The following ADGRL2 variants were observed in gnomAD, a reference collection of about 807,000 sequenced individuals.
ADGRL2 encodes the protein calcium-independent alpha-latrotoxin receptor 2.
Under a neutral mutation model 157.4 loss-of-function variants are expected in ADGRL2, and 44 were observed. That is an observed-to-expected ratio of 0.28 (90% CI 0.22 to 0.36). ADGRL2 has a LOEUF of 0.36. ADGRL2 is among the 10% of genes least tolerant of loss of function. The pLI, the probability that ADGRL2 is intolerant of heterozygous loss-of-function variation, is 1.00. For missense variants in ADGRL2, 1,510 were observed against 1,768.9 expected, an observed-to-expected ratio of 0.85 and a Z score of 2.63; for synonymous variants, 585 against 624.7, an observed-to-expected ratio of 0.94 and a Z score of 0.95.
intron 1 of ADGRL2, among the ~76,000 whole-genome samples, chr1:81,833,559 AT>A (rs1349550568): frequency 6.6e-6 from 1 of 152,134 alleles, no homozygotes; most frequent in Non-Finnish European, 1.5e-5. Context: ...TAAACATTTT[AT>A]TTTTTCTACA....
chr1:81,931,060 A>C (rs767882024), intron 3 of ADGRL2, among the ~76,000 whole-genome samples: 6 of 152,154 alleles, frequency 3.9e-5, no homozygotes, highest in African/African-American at 7.2e-5. Flanking sequence ...GAGGCAGGAG[A>C]ATTGCTTGAC....
At chr1:81,779,008 C>T (rs1384106091) in intron 2 of ADGRL2, among the ~76,000 whole-genome samples, 1 of 152,164 alleles carries the variant, frequency 6.6e-6, no homozygotes, top group Non-Finnish European at 1.5e-5. Context: ...TATTTATCCT[C>T]AGTAAATGCT....
intron 2 of ADGRL2, among the ~76,000 whole-genome samples, chr1:81,860,369 G>A (rs902995307): frequency 1.3e-5 from 2 of 151,914 alleles, no homozygotes; most frequent in Non-Finnish European, 2.9e-5. Context: ...TAGAGACAGG[G>A]TTTCTCTATG....
At chr1:81,860,279 C>G (rs545525033) in intron 2 of ADGRL2, among the ~76,000 whole-genome samples, 23 of 152,182 alleles carry the variant, frequency 1.5e-4, no homozygotes, top group Admixed American at 1.4e-3. Context: ...ATTTTAAAGA[C>G]TAAATAACAG....
intron 1 of ADGRL2, among the ~76,000 whole-genome samples, chr1:81,828,206 T>TA (rs747442198): frequency 2.6e-4 from 40 of 152,340 alleles, no homozygotes; most frequent in Admixed American, 1.3e-4. Context: ...CATACATAGT[T>TA]ATGGCACAGA....
rs372477091 is a variant in ADGRL2, at chr1:81,729,234, T to C, written c.-143+29426T>C. On this transcript the variant is annotated intron_variant, in intron 1 of 20. Transcript: ENST00000359929. Reference sequence around the variant, plus strand: ...TCTAGTTTTAATTCTATTGCTAAGCTTCGCTGTATTTATTTTTCAACTTAA... The same window carrying C: ...TCTAGTTTTAATTCTATTGCTAAGCCTCGCTGTATTTATTTTTCAACTTAA... 2.6e-4 allele frequency among the ~76,000 whole-genome samples: 40 copies of C among 152,144 alleles called. No individual in the cohort carries two copies. In the South Asian group the frequency reaches 6.8e-3, roughly 26 times the overall value.
chr1:81,307,598 G>A (rs1249992040), intron 1 of ADGRL2, among the ~76,000 whole-genome samples: 1 of 152,036 alleles, frequency 6.6e-6, no homozygotes. Flanking sequence ...GCTATGACAA[G>A]GCTAGTTAAT....
intron 4 of ADGRL2, among the ~76,000 whole-genome samples, chr1:81,938,692 G>T (rs1350315760): frequency 3.3e-5 from 5 of 151,524 alleles, no homozygotes; most frequent in East Asian, 1.9e-4. Flanking sequence ...AAGAATAAAA[G>T]TAATTATAAT....
At chr1:81,485,863 T>C (rs532902362) in intron 2 of ADGRL2, among the ~76,000 whole-genome samples, 1 of 151,924 alleles carries the variant, frequency 6.6e-6, no homozygotes, top group African/African-American at 2.4e-5. Flanking sequence ...GGACTGAGGA[T>C]CAAAGACCAT....
At chr1:81,339,070 G>C (rs1205538143) in intron 1 of ADGRL2, among the ~76,000 whole-genome samples, 1 of 152,076 alleles carries the variant, frequency 6.6e-6, no homozygotes, top group Non-Finnish European at 1.5e-5. Context: ...CTAATTTAGA[G>C]GTACCACCTC....
rs201800970 is a variant in ADGRL2 at position 81,938,224 on chromosome 1, A to T, written c.397+1387A>T. ...CATTGTATTCTTTTGACCTAACCAA[A>T]ATTTTGTTCCATAAAGTCACTTTCA... On this transcript the variant is annotated intron_variant, in intron 4 of 23. Coordinates refer to ENST00000686636, the MANE Select transcript of ADGRL2 (RefSeq NM_001366006.2). Among the ~76,000 whole-genome samples the T allele has an allele frequency of 3.3e-5, 5 of 151,650 alleles. No homozygotes were observed. The East Asian group carries it at 9.7e-4, about 29-fold the overall frequency.
At chr1:81,501,976 C>G in intron 2 of ADGRL2, 1 of 1,613,086 alleles carries the variant, frequency 6.2e-7, no homozygotes, top group East Asian at 2.2e-5. Context: ...GCAGCACTCC[C>G]TTAGGTCCCT....
At chr1:81,522,793 T>C (rs2079353551) in intron 2 of ADGRL2, among the ~76,000 whole-genome samples, 1 of 152,196 alleles carries the variant, frequency 6.6e-6, no homozygotes, top group Admixed American at 6.5e-5. Context: ...AATTTTTGCG[T>C]GCTTGATTGT....
intron 1 of ADGRL2, among the ~76,000 whole-genome samples, chr1:81,828,969 T>C (rs2091728053): frequency 6.6e-6 from 1 of 152,044 alleles, no homozygotes; most frequent in African/African-American, 2.4e-5. Context: ...TAGAGTGCAG[T>C]GGCGCTATCT....
At chr1:81,786,262 T>C (rs1367967291) in intron 2 of ADGRL2, among the ~76,000 whole-genome samples, 2 of 152,162 alleles carry the variant, frequency 1.3e-5, no homozygotes, top group African/African-American at 4.8e-5. Flanking sequence ...AAATATAGCA[T>C]AAAATTTGGC....
chr1:81,350,687 G>C (rs1038087353), intron 1 of ADGRL2, among the ~76,000 whole-genome samples: 1 of 152,084 alleles, frequency 6.6e-6, no homozygotes, highest in African/African-American at 2.4e-5. Context: ...AATAAAGCAG[G>C]GTTGTGATAC....
intron 2 of ADGRL2, among the ~76,000 whole-genome samples, chr1:81,496,421 C>T (rs1257378719): frequency 6.6e-6 from 1 of 152,004 alleles, no homozygotes; most frequent in Non-Finnish European, 1.5e-5. Flanking sequence ...ACACAAAAGA[C>T]ACTATGACTG....
intron 2 of ADGRL2, among the ~76,000 whole-genome samples, chr1:81,780,581 T>C (rs2086771030): frequency 6.6e-6 from 1 of 152,210 alleles, no homozygotes; most frequent in Admixed American, 6.5e-5. Flanking sequence ...GTCAGTAAGT[T>C]TCATCCCAAT....
At chr1:81,746,669 A>G (rs1240384895) in intron 1 of ADGRL2, among the ~76,000 whole-genome samples, 1 of 152,144 alleles carries the variant, frequency 6.6e-6, no homozygotes, top group Non-Finnish European at 1.5e-5. Flanking sequence ...TGATATGTTT[A>G]TAGTATATAT....
Sources: allele counts gnomAD v4.1 joint callset (sites outside exome capture counted in the v4.1 genomes callset), GRCh38; gene constraint gnomAD v4.1.1; transcripts MANE v1.5; gene names NCBI Gene and HGNC (gene_info 2026-07-23, HGNC 2026-07-21).